Variants in PTPRN2 observed in about 807,000 individuals in gnomAD.
PTPRN2 encodes the protein protein tyrosine phosphatase receptor type N2.
A neutral mutation model predicts 118.8 loss-of-function variants in PTPRN2; 74 were observed. The ratio of observed to expected loss-of-function variants is 0.62; its 90% CI spans 0.52 to 0.76. The LOEUF (loss-of-function observed/expected upper bound fraction) is 0.76, where lower values mean the gene tolerates loss of function less well. PTPRN2 is among the 30% of genes least tolerant of loss of function. The pLI is 0.00. For missense variants in PTPRN2, 1,481 were observed against 1,394.4 expected (o/e 1.06, Z -0.99); for synonymous variants, 641 against 608.0 (o/e 1.05, Z -0.80).
In PTPRN2 at chr7:157,898,494, C is replaced by T. The variant is rs540367540; in HGVS notation, c.1788+179G>A. 1.1e-4 allele frequency among the ~76,000 whole-genome samples: 16 copies of T among 152,312 alleles called. No individual in the cohort carries two copies. The South Asian group carries it at 1.2e-3, about 12-fold the overall frequency. On this transcript the variant is annotated intron_variant, in intron 12 of 22. Transcript: ENST00000389418. ...AAGACATCATTGAACTCGCCAGGCA[C>T]GTTTCGCCACCGTTTCCCACCCGCA...
intron 13 of PTPRN2, among the ~76,000 whole-genome samples, chr7:157,663,970 G>C (rs1043422871): frequency 1.3e-5 from 2 of 152,210 alleles, no homozygotes; most frequent in African/African-American, 4.8e-5. Flanking sequence ...CACAGCATTT[G>C]AAATCGCTCT....
intron 12 of PTPRN2, among the ~76,000 whole-genome samples, chr7:157,696,767 C>A (rs1195582537): frequency 6.8e-6 from 1 of 147,072 alleles, no homozygotes; most frequent in Non-Finnish European, 1.5e-5. Flanking sequence ...TTGGCAGAGC[C>A]CTCACCATCT....
chr7:158,351,122 G>T (rs998185438), intron 2 of PTPRN2, among the ~76,000 whole-genome samples: 1 of 152,172 alleles, frequency 6.6e-6, no homozygotes, highest in Non-Finnish European at 1.5e-5. Context: ...AAACTGTTAT[G>T]CGGGAGGCAG....
chr7:158,043,099 T>A (rs1221909516), intron 11 of PTPRN2, among the ~76,000 whole-genome samples: 2 of 152,108 alleles, frequency 1.3e-5, no homozygotes, highest in Admixed American at 6.5e-5. Context: ...TAGTTCCAGC[T>A]ACTCGGGAGG....
rs1802355874 is a variant in PTPRN2, at chr7:157,611,763, G to A, written c.2345-7688C>T. On this transcript the variant is annotated intron_variant, in intron 15 of 22. Transcript: ENST00000389418. The surrounding 1 kb of genome is among the most constrained non-coding windows in gnomAD (Gnocchi z 5.9). ...GGAGGGAGCGCGCCCGTGTGAAGAC[G>A]AAGACAGCCGCAGTCATGCTGGGGA... Among the ~76,000 whole-genome samples, 1 of 149,858 alleles carries A rather than the reference G, an allele frequency of 6.7e-6. No individual in the cohort carries two copies. The highest frequency in any genetic ancestry group is 2.5e-5 in the African/African-American group (1 of 40,724).
chr7:158,540,676 C>G (rs1001580687), intron 1 of PTPRN2, among the ~76,000 whole-genome samples: 1 of 152,160 alleles, frequency 6.6e-6, no homozygotes, highest in African/African-American at 2.4e-5. Context: ...GGGGTGGGGT[C>G]GCCCCAGGGC....
rs796281485 is a variant in PTPRN2, at chr7:158,071,556, G to A, written c.1723+9742C>T. 7.3e-3 allele frequency among the ~76,000 whole-genome samples: 362 copies of A among 49,686 alleles called. 9 individuals carry two copies. The highest frequency in any genetic ancestry group is 0.012 in the Non-Finnish European group (282 of 23,510). The allele number at this position is 49,686 out of a possible 152,430, so 32.6% of individuals were successfully genotyped here. On this transcript the variant is annotated intron_variant, in intron 11 of 22. Coordinates refer to ENST00000389418, the MANE Select transcript of PTPRN2 (RefSeq NM_002847.5). ...CGTGATGATGGAGGTGCTCCTGGTGGTGGAGGTGCTCCTGGTGGAGGTGCT... is the reference window on the plus strand; with the variant it reads ...CGTGATGATGGAGGTGCTCCTGGTGATGGAGGTGCTCCTGGTGGAGGTGCT...
rs1179206395 is a variant in PTPRN2 at position 158,440,527 on chromosome 7, G to A, written c.163+49208C>T. On this transcript the variant is annotated intron_variant, in intron 2 of 22. Coordinates refer to ENST00000389418, the MANE Select transcript of PTPRN2 (RefSeq NM_002847.5). ...TGGTAATAGGGGTGATAGTGGTGATGTGGTAATGATGGTGGTGGTGGCAGT... is the reference window on the plus strand; with the variant it reads ...TGGTAATAGGGGTGATAGTGGTGATATGGTAATGATGGTGGTGGTGGCAGT... 1.3e-5 allele frequency among the ~76,000 whole-genome samples: 2 copies of A among 151,602 alleles called. 1 individual carries two copies. Among genetic ancestry groups the A allele is most frequent in the African/African-American group, 4.9e-5 (2 of 41,026 alleles).
chr7:157,995,871 A>T (rs1233238037), intron 11 of PTPRN2, among the ~76,000 whole-genome samples: 1 of 152,246 alleles, frequency 6.6e-6, no homozygotes, highest in African/African-American at 2.4e-5. Context: ...CATGAAATCG[A>T]CGTAAGTGTC....
chr7:157,666,800 G>C (rs1384638640), intron 13 of PTPRN2, among the ~76,000 whole-genome samples: 1 of 152,216 alleles, frequency 6.6e-6, no homozygotes, highest in Non-Finnish European at 1.5e-5. Flanking sequence ...GACTCGGCCC[G>C]TGTGACACTG....
intron 2 of PTPRN2, among the ~76,000 whole-genome samples, chr7:158,381,614 CCCT>C (rs1438499943): frequency 4.6e-5 from 7 of 152,204 alleles, no homozygotes; most frequent in African/African-American, 1.7e-4. Context: ...CTGTTCCAAC[CCCT>C]GCCTGTTACC....
At position 157,639,610 on chromosome 7, in the gene PTPRN2, G is replaced by A. The variant is rs181481046; in HGVS notation, c.2196+16747C>T. Among the ~76,000 whole-genome samples, 15 of 152,378 alleles carry A rather than the reference G, an allele frequency of 9.8e-5. No individual in the cohort carries two copies. The East Asian group carries it at 2.9e-3, about 29-fold the overall frequency. On this transcript the variant is annotated intron_variant, in intron 14 of 22. Coordinates refer to ENST00000389418, the MANE Select transcript of PTPRN2 (RefSeq NM_002847.5). ...AGAAAGTGAAACTGGAATGGGGGAT[G>A]TGCGGCCTGAAGCCGCTCAAGCCCT...
chr7:157,963,205 G>C (rs968170059), intron 11 of PTPRN2, among the ~76,000 whole-genome samples: 1 of 152,272 alleles, frequency 6.6e-6, no homozygotes, highest in African/African-American at 2.4e-5. Context: ...TGCAGTCAGA[G>C]ACAGTCCCTC....
intron 5 of PTPRN2, among the ~76,000 whole-genome samples, chr7:158,175,028 G>A (rs533379299): frequency 6.3e-4 from 96 of 152,302 alleles, no homozygotes; most frequent in African/African-American, 2.2e-3. Flanking sequence ...CTGGAGGTCC[G>A]GGGAGTCCCA....
chr7:158,278,160 T>C (rs1165005746), intron 3 of PTPRN2, among the ~76,000 whole-genome samples: 1 of 152,036 alleles, frequency 6.6e-6, no homozygotes, highest in African/African-American at 2.4e-5. Context: ...TCTAGAACAT[T>C]CCTAGAGCCA....
At chr7:157,732,040 A>C in intron 12 of PTPRN2, among the ~76,000 whole-genome samples, 1 of 75,130 alleles carries the variant, frequency 1.3e-5, no homozygotes, top group Non-Finnish European at 2.7e-5. Flanking sequence ...TTTCCGCCCC[A>C]TGGCCCAGCA....
At chr7:158,388,011 C>A (rs1811637126) in intron 2 of PTPRN2, among the ~76,000 whole-genome samples, 1 of 152,186 alleles carries the variant, frequency 6.6e-6, no homozygotes, top group South Asian at 2.1e-4. Flanking sequence ...TATTTATACA[C>A]ACATACAAAC....
intron 2 of PTPRN2, among the ~76,000 whole-genome samples, chr7:158,380,034 G>A (rs936271910): frequency 2.6e-5 from 4 of 152,072 alleles, no homozygotes; most frequent in African/African-American, 4.8e-5. Context: ...CCTATGATTC[G>A]ATTACCTTCC....
At chr7:158,334,562 G>A (rs879665820) in intron 2 of PTPRN2, among the ~76,000 whole-genome samples, 6,921 of 69,610 alleles carry the variant, frequency 0.099, 4 homozygotes, top group Middle Eastern at 0.2. Flanking sequence ...CTCACCATAA[G>A]AGCTCTCGCC....
Sources: gnomAD v4.1 joint callset for allele counts (sites outside exome capture counted in the v4.1 genomes callset) on GRCh38, gnomAD v4.1.1 for gene constraint, Gnocchi (gnomAD v3.1) non-coding constraint, MANE v1.5 for transcripts, NCBI Gene and HGNC (gene_info 2026-07-23, HGNC 2026-07-21) for gene names.